SIPA1L1: variants seen among roughly 807,000 people sequenced by gnomAD.
The protein encoded by SIPA1L1 is signal-induced proliferation-associated 1-like protein 1.
A neutral mutation model predicts 162.7 loss-of-function variants in SIPA1L1; 26 were observed. The observed-to-expected ratio is 0.16, with a 90% CI of 0.12 to 0.22. SIPA1L1 has a LOEUF of 0.22. SIPA1L1 is among the 10% of genes least tolerant of loss of function. The pLI is 1.00. For missense variants in SIPA1L1, 1,874 were observed against 2,241.0 expected, an observed-to-expected ratio of 0.84 and a Z score of 3.31; for synonymous variants, 829 against 837.4, an observed-to-expected ratio of 0.99 and a Z score of 0.17.
At chr14:71,644,132 A>G (rs1000229897) in intron 7 of SIPA1L1, among the ~76,000 whole-genome samples, 12 of 151,998 alleles carry the variant, frequency 7.9e-5, no homozygotes, top group African/African-American at 2.9e-4. Context: ...TTAAAGGTTG[A>G]TAGCTATGTG....
intron 8 of SIPA1L1, among the ~76,000 whole-genome samples, chr14:71,651,329 A>G: frequency 6.6e-6 from 1 of 152,194 alleles, no homozygotes. Context: ...TGCAGTCTAT[A>G]GTAATCTCTC....
intron 2 of SIPA1L1, among the ~76,000 whole-genome samples, chr14:71,389,670 T>C (rs1043302941): frequency 6.6e-6 from 1 of 152,216 alleles, no homozygotes; most frequent in African/African-American, 2.4e-5. Flanking sequence ...ATTTCTTTGG[T>C]AATAGGCAGT....
intron 14 of SIPA1L1, among the ~76,000 whole-genome samples, 190 bp downstream of exon 14, chr14:71,699,317 T>C (rs2081909184): frequency 6.6e-6 from 1 of 152,180 alleles, no homozygotes; most frequent in African/African-American, 2.4e-5. Context: ...TCTTAGGAAG[T>C]TTATCATCCT....
intron 2 of SIPA1L1, among the ~76,000 whole-genome samples, chr14:71,336,962 C>T (rs1372433412): frequency 3.3e-5 from 5 of 152,088 alleles, no homozygotes; most frequent in South Asian, 2.1e-4. Flanking sequence ...TGTATCTAAG[C>T]GGCTGTATCT....
intron 7 of SIPA1L1, among the ~76,000 whole-genome samples, chr14:71,631,057 TC>T (rs1007788251): frequency 6.6e-6 from 1 of 152,108 alleles, no homozygotes; most frequent in African/African-American, 2.4e-5. Flanking sequence ...TGTGTGATGT[TC>T]CCCACCTTGT....
intron 2 of SIPA1L1, among the ~76,000 whole-genome samples, chr14:71,439,755 T>C (rs2044687111): frequency 6.6e-6 from 1 of 152,260 alleles, no homozygotes; most frequent in Non-Finnish European, 1.5e-5. Flanking sequence ...TAAAACGTTT[T>C]CTTTTGATTT....
chr14:71,531,483 C>T (rs2053441718), intron 4 of SIPA1L1, among the ~76,000 whole-genome samples: 1 of 151,966 alleles, frequency 6.6e-6, no homozygotes, highest in African/African-American at 2.4e-5. Context: ...TCCCTTGTGA[C>T]CCAATATTGG....
intron 7 of SIPA1L1, among the ~76,000 whole-genome samples, chr14:71,638,386 T>C (rs147138953): frequency 1.4e-3 from 209 of 152,310 alleles, no homozygotes; most frequent in Non-Finnish European, 2.5e-3. Context: ...TGATTCAGTA[T>C]TGAAAAATCA....
intron 5 of SIPA1L1, among the ~76,000 whole-genome samples, chr14:71,599,474 T>TC: frequency 6.6e-6 from 1 of 151,780 alleles, no homozygotes; most frequent in East Asian, 1.9e-4. Flanking sequence ...TTTTTTTTTT[T>TC]TTTTTAATCA....
rs569709204 is a variant in SIPA1L1, at chr14:71,727,462, A to G, written c.4615-2593A>G. Among the ~76,000 whole-genome samples the G allele has an allele frequency of 2.0e-5, 3 of 149,846 alleles. No individual in the cohort carries two copies. In the South Asian group the frequency reaches 6.4e-4, roughly 32 times the overall value. On this transcript the variant is annotated intron_variant, in intron 19 of 23. Transcript: ENST00000381232. ...TTTTTTTTTTTTTTTTAAATCACAC[A>G]TGGAACCCCATTATATAGAATTCAG...
intron 4 of SIPA1L1, among the ~76,000 whole-genome samples, chr14:71,543,142 A>G (rs2054630420): frequency 6.6e-6 from 1 of 152,004 alleles, no homozygotes; most frequent in African/African-American, 2.4e-5. Flanking sequence ...GATCTTTTCC[A>G]TTCTCTCTCT....
At chr14:71,387,738 A>G (rs527442758) in intron 2 of SIPA1L1, among the ~76,000 whole-genome samples, 2 of 152,298 alleles carry the variant, frequency 1.3e-5, no homozygotes, top group South Asian at 4.1e-4. Context: ...ACACGTGGAG[A>G]ATTGTCTTTT....
In SIPA1L1 at chr14:71,452,971, A is replaced by G. The variant is rs74060353; in HGVS notation, c.-464-59772A>G. ...TCAAATCTCTAGACCCTTCTGTGTC[A>G]TATTTTATGGTAATCACTAATAGAT... On this transcript the variant is annotated intron_variant, in intron 2 of 23. Transcript: ENST00000381232. Among the ~76,000 whole-genome samples, 60 of 152,294 alleles carry G rather than the reference A, an allele frequency of 3.9e-4. 1 individual carries two copies. Among genetic ancestry groups the G allele is most frequent in the African/African-American group, 1.4e-3 (58 of 41,566 alleles).
At chr14:71,619,466 C>A (rs1440164894) in intron 6 of SIPA1L1, among the ~76,000 whole-genome samples, 2 of 151,056 alleles carry the variant, frequency 1.3e-5, no homozygotes, top group African/African-American at 4.9e-5. Flanking sequence ...TAAATATACA[C>A]AATGTATGAG....
Position 71,593,840 on chromosome 14 carries a change from T to C in SIPA1L1, c.1498+4470T>C, listed in dbSNP as rs1596319775. On this transcript the variant is annotated intron_variant, in intron 5 of 23. Coordinates refer to ENST00000381232, the MANE Select transcript of SIPA1L1 (RefSeq NM_001386936.1). ...AGTGTTGATAGGCTTGTCTTCATGG[T>C]AGGTGGAGTGTTACTCTCAAAGTCA... 2.0e-5 allele frequency among the ~76,000 whole-genome samples: 3 copies of C among 152,292 alleles called. No homozygotes were observed. In the South Asian group the frequency reaches 6.2e-4, roughly 32 times the overall value.
intron 7 of SIPA1L1, among the ~76,000 whole-genome samples, chr14:71,642,363 G>A (rs2041800852): frequency 6.6e-6 from 1 of 152,136 alleles, no homozygotes; most frequent in South Asian, 2.1e-4. Flanking sequence ...AGAGAATCAG[G>A]GAGGAGAGAG....
chr14:71,709,131 A>G, intron 16 of SIPA1L1, 91 bp from the exon 17 acceptor site: 1 of 1,113,530 alleles, frequency 9.0e-7, no homozygotes, highest in East Asian at 2.5e-5. Context: ...TCAGAGCCCT[A>G]TAACTAGAAA....
At chr14:71,719,927 G>T (rs189694451) in intron 17 of SIPA1L1, among the ~76,000 whole-genome samples, 1 of 152,270 alleles carries the variant, frequency 6.6e-6, no homozygotes, top group East Asian at 1.9e-4. Context: ...ATTATAGCTT[G>T]AGAATCAATA....
chr14:71,377,106 C>A lies in SIPA1L1; in HGVS notation c.-465+55925C>A, dbSNP rs117385006. Among the ~76,000 whole-genome samples the A allele has an allele frequency of 1.3e-5, 2 of 150,996 alleles. No individual in the cohort carries two copies. Among genetic ancestry groups the A allele is most frequent in the East Asian group, 3.9e-4 (2 of 5,096 alleles). ...GGGGCTCCTCACTTTCCAGATGTGG[C>A]GGCCGGGCAGAGGGGCCCCCCCACC... is the stretch of plus-strand genomic sequence containing the variant. On this transcript the variant is annotated intron_variant, in intron 2 of 23. Transcript: ENST00000381232. The surrounding 1 kb of genome is among the most constrained non-coding windows in gnomAD (Gnocchi z 4.8).
Sources: gnomAD v4.1 joint callset for allele counts (sites outside exome capture counted in the v4.1 genomes callset) on GRCh38, gnomAD v4.1.1 for gene constraint, Gnocchi (gnomAD v3.1) non-coding constraint, MANE v1.5 for transcripts, NCBI Gene and HGNC (gene_info 2026-07-23, HGNC 2026-07-21) for gene names.